ARHGEF28: variants seen among roughly 807,000 people sequenced by gnomAD.
ARHGEF28 encodes Rho guanine nucleotide exchange factor 28.
Under a neutral mutation model 206.6 loss-of-function variants are expected in ARHGEF28, and 152 were observed. The ratio of observed to expected loss-of-function variants is 0.74; its 90% CI spans 0.64 to 0.84. The LOEUF (loss-of-function observed/expected upper bound fraction) is 0.84, where lower values mean the gene tolerates loss of function less well. Ranked by LOEUF, ARHGEF28 falls within the 40% of genes least tolerant of loss-of-function variation. The pLI, the probability that ARHGEF28 is intolerant of heterozygous loss-of-function variation, is 0.00. For missense variants in ARHGEF28, 2,028 were observed against 2,073.2 expected (o/e 0.98, Z 0.42); for synonymous variants, 763 against 776.4 (o/e 0.98, Z 0.29).
At chr5:73,759,947 A>G (rs1440972019) in intron 4 of ARHGEF28, among the ~76,000 whole-genome samples, 1 of 152,234 alleles carries the variant, frequency 6.6e-6, no homozygotes, top group Admixed American at 6.5e-5. Context: ...ATCTGTAGCC[A>G]GTAGGAAGCA....
chr5:73,870,923 A>T (rs947758847), intron 21 of ARHGEF28, among the ~76,000 whole-genome samples: 5 of 152,210 alleles, frequency 3.3e-5, no homozygotes, highest in African/African-American at 4.8e-5. Flanking sequence ...AATCCTGTGT[A>T]TGCAAACATG....
rs930994957 is a variant in ARHGEF28 at position 73,868,337 on chromosome 5, G to C, written c.2425+110G>C. 5 of 1,342,290 alleles carry C rather than the reference G, an allele frequency of 3.7e-6. No individual in the cohort carries two copies. In the African/African-American group the frequency reaches 7.4e-5, roughly 20 times the overall value. The allele number at this position is 1,342,290 out of a possible 1,614,324, so 83.1% of individuals were successfully genotyped here. On this transcript the variant is annotated intron_variant, in intron 20 of 35. Transcript: ENST00000513042. ...CATTTTTTTTTTCTTTTTCAAAGAA[G>C]TCTGTTTCAGGGTGTCTCTTTGGTA...
chr5:73,940,906 C>T lies in ARHGEF28; in HGVS notation c.5011C>T (p.Leu1671=), dbSNP rs1220990819. 1.3e-6 allele frequency: 2 copies of T among 1,534,702 alleles called. No homozygotes were observed. The highest frequency in any genetic ancestry group is 1.7e-6 in the Non-Finnish European group (2 of 1,146,672). ...PHDSNSHRPQ[L]QAFITEAKLN... The stretch of plus-strand genomic sequence containing the variant: ...TGACTCAAATTCACACCGCCCTCAA[C>T]TGCAGGCGTTTATAACAGAAGCAAA... The change falls in exon 36 of 36, where the codon CTG becomes TTG. Residue 1671 remains leucine (L), a synonymous_variant. Coordinates refer to ENST00000513042, the MANE Select transcript of ARHGEF28 (RefSeq NM_001177693.2).
chr5:73,770,745 T>C (rs2112441407), intron 4 of ARHGEF28, among the ~76,000 whole-genome samples: 1 of 152,320 alleles, frequency 6.6e-6, no homozygotes, highest in Non-Finnish European at 1.5e-5. Context: ...CTTACAACAT[T>C]TTGGTCAGTT....
chr5:73,743,921 A>T (rs1256524100), intron 2 of ARHGEF28, among the ~76,000 whole-genome samples: 2 of 152,166 alleles, frequency 1.3e-5, no homozygotes, highest in Admixed American at 6.5e-5. Context: ...CTGTTTGTTC[A>T]CTAACATGGT....
intron 33 of ARHGEF28, among the ~76,000 whole-genome samples, chr5:73,906,656 G>A (rs1428813103): frequency 2.0e-5 from 3 of 152,088 alleles, no homozygotes; most frequent in Non-Finnish European, 2.9e-5. Context: ...AAAGAACATC[G>A]GTCAGTCATC....
chr5:73,909,912 C>T lies in ARHGEF28; in HGVS notation c.4647+15C>T, dbSNP rs1433414395. 3 of 1,489,346 alleles carry T rather than the reference C, an allele frequency of 2.0e-6. No individual in the cohort carries two copies. The highest frequency in any genetic ancestry group is 2.7e-6 in the Non-Finnish European group (3 of 1,128,870). The allele number at this position is 1,489,346 out of a possible 1,614,324, so 92.3% of individuals were successfully genotyped here. A position where few individuals can be genotyped will look rare whatever the true frequency, so the allele number is the denominator to read the frequency against. ...GTGGCCCCGAGGTATGGACCTTCTG[C>T]GGTGCTGTGAGGCAGCCTCTCAAAG... On this transcript the variant is annotated intron_variant, in intron 34 of 35. Transcript: ENST00000513042.
chr5:73,721,322 G>A (rs751554883), intron 2 of ARHGEF28, among the ~76,000 whole-genome samples: 3 of 152,108 alleles, frequency 2.0e-5, no homozygotes, highest in Non-Finnish European at 4.4e-5. Flanking sequence ...CAACCTTCTC[G>A]CTTTTACCAT....
rs1157687188 is a variant in ARHGEF28, at chr5:73,741,433, A to G, written c.34-8404A>G. ...TATATATATATATATATATATATAT[A>G]TATATATATGTATACTCACTCTGTT... On this transcript the variant is annotated intron_variant, in intron 2 of 35. Coordinates refer to ENST00000513042, the MANE Select transcript of ARHGEF28 (RefSeq NM_001177693.2). Among the ~76,000 whole-genome samples the G allele has an allele frequency of 1.0e-4, 8 of 80,228 alleles. 1 individual carries two copies. In the South Asian group the frequency reaches 1.5e-3, roughly 16 times the overall value. The allele number at this position is 80,228 out of a possible 152,430, so 52.6% of individuals were successfully genotyped here. A position where few individuals can be genotyped will look rare whatever the true frequency, so the allele number is the denominator to read the frequency against.
chr5:73,832,586 T>C (rs1757364805), intron 10 of ARHGEF28, 127 bp downstream of exon 10: 2 of 1,289,350 alleles, frequency 1.6e-6, no homozygotes, highest in Admixed American at 4.8e-5. Flanking sequence ...GAGGATGCTG[T>C]TGTGGGGTCT....
At chr5:73,679,694 A>G (rs1317311945) in intron 1 of ARHGEF28, among the ~76,000 whole-genome samples, 2 of 152,210 alleles carry the variant, frequency 1.3e-5, no homozygotes, top group African/African-American at 2.4e-5. Context: ...TGGCAGGTCA[A>G]AAAAAGAAAA....
At chr5:73,907,181 A>G (rs1296761077) in intron 33 of ARHGEF28, among the ~76,000 whole-genome samples, 3 of 152,212 alleles carry the variant, frequency 2.0e-5, no homozygotes, top group Non-Finnish European at 2.9e-5. Flanking sequence ...TCTTTCTTTT[A>G]AATGTCAGCT....
At chr5:73,788,328 T>C (rs1406891721) in intron 7 of ARHGEF28, among the ~76,000 whole-genome samples, 1 of 152,160 alleles carries the variant, frequency 6.6e-6, no homozygotes, top group African/African-American at 2.4e-5. Flanking sequence ...ATGCCCTGGC[T>C]TCAATTTAAA....
At chr5:73,724,804 T>C (rs2112337592) in intron 2 of ARHGEF28, among the ~76,000 whole-genome samples, 1 of 152,348 alleles carries the variant, frequency 6.6e-6, no homozygotes, top group East Asian at 1.9e-4. Flanking sequence ...CACTGAAGGA[T>C]ATCTGAGATG....
At chr5:73,804,370 C>T (rs999086604) in intron 9 of ARHGEF28, among the ~76,000 whole-genome samples, 3 of 152,120 alleles carry the variant, frequency 2.0e-5, no homozygotes, top group African/African-American at 4.8e-5. Context: ...AGTTACATGG[C>T]AACTTCACAA....
chr5:73,901,850 C>G (rs1185110980), intron 31 of ARHGEF28: 1 of 152,124 alleles, frequency 6.6e-6, no homozygotes, highest in Non-Finnish European at 1.5e-5. Context: ...TGACTTACTG[C>G]TATAGACATA....
At chr5:73,844,072 A>G (rs72772521) in intron 11 of ARHGEF28, among the ~76,000 whole-genome samples, 3,962 of 152,320 alleles carry the variant, frequency 0.026, 90 homozygotes, top group Non-Finnish European at 0.038. Flanking sequence ...GTAAAACAAG[A>G]ACCTAGAGGT....
At chr5:73,669,686 C>CTTTA (rs56870788) in intron 1 of ARHGEF28, among the ~76,000 whole-genome samples, 3 of 150,916 alleles carry the variant, frequency 2.0e-5, no homozygotes, top group Non-Finnish European at 4.4e-5. Flanking sequence ...CTAAGTTTTA[C>CTTTA]TTTATTTATT....
chr5:73,755,343 A>G lies in ARHGEF28; in HGVS notation c.475+2141A>G, dbSNP rs1408950797. Among the ~76,000 whole-genome samples the G allele has an allele frequency of 5.9e-5, 9 of 151,942 alleles. No homozygotes were observed. The East Asian group carries it at 1.7e-3, about 29-fold the overall frequency. On this transcript the variant is annotated intron_variant, in intron 4 of 35. Coordinates refer to ENST00000513042, the MANE Select transcript of ARHGEF28 (RefSeq NM_001177693.2). Reference sequence around the variant, plus strand: ...GGGGGGTGTGGATCCATTTTGACAAAGACACAAAAGTTTCATGATTTCCCA... The same window carrying G: ...GGGGGGTGTGGATCCATTTTGACAAGGACACAAAAGTTTCATGATTTCCCA...
Sources: gnomAD v4.1 joint callset for allele counts (sites outside exome capture counted in the v4.1 genomes callset) on GRCh38, gnomAD v4.1.1 for gene constraint, MANE v1.5 for transcripts, NCBI Gene and HGNC (gene_info 2026-07-23, HGNC 2026-07-21) for gene names.